Variants in AK7 observed in about 807,000 individuals in gnomAD.
AK7 encodes the protein adenylate kinase 7.
A neutral mutation model predicts 96.6 loss-of-function variants in AK7; 78 were observed. The observed-to-expected ratio is 0.81, with a 90% confidence interval of 0.67 to 0.97. The LOEUF is 0.97. Among genes scored for constraint, AK7 ranks in the 50% least tolerant of loss-of-function variants. AK7 has a pLI of 0.00. For missense variants in AK7, 855 were observed against 887.9 expected (o/e 0.96, Z 0.47); for synonymous variants, 302 against 317.2 (o/e 0.95, Z 0.51).
chr14:96,406,848 A>G (rs563689023), intron 3 of AK7, among the ~76,000 whole-genome samples: 1 of 151,940 alleles, frequency 6.6e-6, no homozygotes, highest in Non-Finnish European at 1.5e-5. Flanking sequence ...AGCTATTTTT[A>G]AAAAATTTTT....
intron 3 of AK7, among the ~76,000 whole-genome samples, chr14:96,406,477 G>A (rs1156233139): frequency 1.3e-5 from 2 of 152,118 alleles, no homozygotes; most frequent in Admixed American, 6.5e-5. Flanking sequence ...TTTCTATTTA[G>A]AGGAAAACTT....
chr14:96,402,191 A>G (rs1036588090), intron 2 of AK7, among the ~76,000 whole-genome samples: 3 of 146,708 alleles, frequency 2.0e-5, no homozygotes, highest in African/African-American at 7.9e-5. Context: ...AGATGCACAC[A>G]CACACACACA....
chr14:96,436,024 T>C (rs763372259), intron 5 of AK7, among the ~76,000 whole-genome samples: 2 of 152,238 alleles, frequency 1.3e-5, no homozygotes, highest in Non-Finnish European at 2.9e-5. Flanking sequence ...AGCTGTTTTT[T>C]CTGTGTAGGT....
At chr14:96,456,323 G>T in intron 10 of AK7, 24 bp from the exon 11 acceptor site, 2 of 1,532,040 alleles carry the variant, frequency 1.3e-6, no homozygotes, top group Non-Finnish European at 1.8e-6. Flanking sequence ...CTTGCTGTAT[G>T]TTCCTTACTC....
chr14:96,441,320 A>G (rs1021495674), intron 6 of AK7, among the ~76,000 whole-genome samples: 3 of 151,618 alleles, frequency 2.0e-5, no homozygotes, highest in Non-Finnish European at 4.4e-5. Context: ...GGGCCTACAG[A>G]TAATTTCATA....
At chr14:96,427,167 C>T (rs532947059) in intron 5 of AK7, among the ~76,000 whole-genome samples, 1 of 152,280 alleles carries the variant, frequency 6.6e-6, no homozygotes, top group Admixed American at 6.5e-5. Context: ...ATCGTTTGAA[C>T]CTGGAAGGCA....
At chr14:96,455,881 G>A (rs1250402044) in intron 10 of AK7, among the ~76,000 whole-genome samples, 3 of 152,104 alleles carry the variant, frequency 2.0e-5, no homozygotes, top group Admixed American at 6.6e-5. Context: ...GGGTAGAGGC[G>A]TGACTCTGGA....
intron 7 of AK7, 38 bp downstream of exon 7, chr14:96,442,856 G>A (rs1169749518): frequency 3.8e-6 from 6 of 1,566,028 alleles, no homozygotes; most frequent in Non-Finnish European, 5.3e-6. Flanking sequence ...TCACAGAATT[G>A]GTTAATGTGT....
chr14:96,472,872 A>G, intron 14 of AK7, 117 bp downstream of exon 14: 1 of 706,460 alleles, frequency 1.4e-6, no homozygotes, highest in Non-Finnish European at 2.4e-6. Flanking sequence ...ACCTGAGGTC[A>G]GGAGTTCAAG....
intron 5 of AK7, among the ~76,000 whole-genome samples, chr14:96,421,795 CAG>C (rs1365027961): frequency 1.3e-5 from 2 of 151,954 alleles, no homozygotes; most frequent in Non-Finnish European, 2.9e-5. Context: ...TTAGTAGAGT[CAG>C]AGTTCCACCA....
In AK7 at chr14:96,458,195, G is replaced by T. The variant is rs370545086; in HGVS notation, c.1340G>T (p.Ser447Ile). 12 of 1,613,972 alleles carry T rather than the reference G, an allele frequency of 7.4e-6. No homozygotes were observed. Among genetic ancestry groups the T allele is most frequent in the Non-Finnish European group, 1.0e-5 (12 of 1,179,908 alleles). The change falls in exon 12 of 18, where the codon AGC becomes ATC. Residue 447 changes from serine (S) to isoleucine (I), a missense_variant. Coordinates refer to ENST00000267584, the MANE Select transcript of AK7 (RefSeq NM_152327.5). Reference protein sequence around the residue: ...AQELLDGIKESMEQNAGQLDD... With the variant: ...AQELLDGIKEIMEQNAGQLDD... ...GAGCTCCTAGATGGCATCAAGGAGA[G>T]CATGGAGCAGAATGCAGGTAACACA...
In AK7 at chr14:96,472,581, G is replaced by T; in HGVS notation, c.1487-106G>T. 3 of 734,964 alleles carry T rather than the reference G, an allele frequency of 4.1e-6. No individual in the cohort carries two copies. The Admixed American group carries it at 7.3e-5, about 18-fold the overall frequency. The allele number at this position is 734,964 out of a possible 1,614,324, so 45.5% of individuals were successfully genotyped here. On this transcript the variant is annotated intron_variant, in intron 13 of 17. Transcript: ENST00000267584. The stretch of plus-strand genomic sequence containing the variant: ...TTCTAAAATACATGTGCTATTTATG[G>T]CTAGTTTTCATTAGTGCTTGCTACT...
chr14:96,437,856 G>T lies in AK7; in HGVS notation c.631G>T (p.Val211Leu). ...GKKARKFAAYVVAAGLQYGAE... is the reference protein window; with the variant it reads ...GKKARKFAAYLVAAGLQYGAE... ...ATAGGCCAGAAAATTTGCAGCATAC[G>T]TAGTTGCTGCTGGACTCCAGTATGG... The change falls in exon 6 of 18, where the codon GTA becomes TTA. Residue 211 changes from valine (V) to leucine (L), a missense_variant. By Grantham distance (32) the Val-to-Leu change is conservative. Coordinates refer to ENST00000267584, the MANE Select transcript of AK7 (RefSeq NM_152327.5). 2 of 1,611,186 alleles carry T rather than the reference G, an allele frequency of 1.2e-6. No homozygotes were observed. The highest frequency in any genetic ancestry group is 1.7e-6 in the Non-Finnish European group (2 of 1,178,634).
intron 4 of AK7, among the ~76,000 whole-genome samples, chr14:96,412,049 T>A (rs897496602): frequency 7.2e-5 from 11 of 152,086 alleles, no homozygotes; most frequent in African/African-American, 2.2e-4. Flanking sequence ...AGAGACGAAG[T>A]CTATAAAACA....
Position 96,456,340 on chromosome 14 carries a change from C to A in AK7, c.1099-7C>A. 1 of 1,586,510 alleles carries A rather than the reference C, an allele frequency of 6.3e-7. No individual in the cohort carries two copies. Among genetic ancestry groups the A allele is most frequent in the Non-Finnish European group, 8.6e-7 (1 of 1,162,924 alleles). ...TGCTGTATGTTCCTTACTCTCTCCTCTTTCAGCCAATCAAGATCTGCATTC... is the reference window on the plus strand; with the variant it reads ...TGCTGTATGTTCCTTACTCTCTCCTATTTCAGCCAATCAAGATCTGCATTC... On this transcript the variant is annotated splice_polypyrimidine_tract_variant and splice_region_variant and intron_variant, in intron 10 of 17. Coordinates refer to ENST00000267584, the MANE Select transcript of AK7 (RefSeq NM_152327.5).
chr14:96,414,317 T>C (rs565056203), intron 4 of AK7, among the ~76,000 whole-genome samples: 1 of 152,326 alleles, frequency 6.6e-6, no homozygotes, highest in Non-Finnish European at 1.5e-5. Context: ...GCTCATCACT[T>C]CTGCAAATTT....
chr14:96,475,541 G>T (rs1011817271), intron 14 of AK7, among the ~76,000 whole-genome samples: 1 of 152,198 alleles, frequency 6.6e-6, no homozygotes, highest in African/African-American at 2.4e-5. Flanking sequence ...ATACTGGCTT[G>T]CTGTGTGAGA....
chr14:96,435,226 A>T (rs1034741951), intron 5 of AK7, among the ~76,000 whole-genome samples: 2 of 152,180 alleles, frequency 1.3e-5, no homozygotes, highest in Non-Finnish European at 2.9e-5. Flanking sequence ...ACCTGAAGCC[A>T]GAAGGCTCAT....
At chr14:96,463,480 G>A (rs372225452) in intron 12 of AK7, among the ~76,000 whole-genome samples, 2 of 152,144 alleles carry the variant, frequency 1.3e-5, no homozygotes, top group Admixed American at 6.5e-5. Flanking sequence ...AGCACTTTGG[G>A]AGGCCGAGGC....
Sources: gnomAD v4.1 joint callset for allele counts (sites outside exome capture counted in the v4.1 genomes callset) on GRCh38, gnomAD v4.1.1 for gene constraint, MANE v1.5 for transcripts, NCBI Gene and HGNC (gene_info 2026-07-23, HGNC 2026-07-21) for gene names.